Variants in EXOC2 observed in about 807,000 individuals in gnomAD.
The protein encoded by EXOC2 is SEC5-like 1.
In EXOC2, 70 loss-of-function variants were observed where a neutral mutation model predicts 131.8. That is an observed-to-expected ratio of 0.53 (90% CI 0.44 to 0.65). EXOC2 has a LOEUF of 0.65. EXOC2 is among the 30% of genes least tolerant of loss of function. The pLI is 0.00. For missense variants in EXOC2, 923 were observed against 1,108.6 expected, an observed-to-expected ratio of 0.83 and a Z score of 2.38; for synonymous variants, 411 against 398.4, an observed-to-expected ratio of 1.03 and a Z score of -0.38.
At chr6:672,199 C>T (rs754500378) in intron 1 of EXOC2, among the ~76,000 whole-genome samples, 2 of 152,152 alleles carry the variant, frequency 1.3e-5, no homozygotes, top group Non-Finnish European at 2.9e-5. Context: ...CTTTCCTCAG[C>T]TATGTCTGGC....
chr6:537,301 G>A (rs975109774), intron 22 of EXOC2, among the ~76,000 whole-genome samples: 8 of 151,030 alleles, frequency 5.3e-5, no homozygotes, highest in African/African-American at 1.5e-4. Context: ...GACAGCCGAC[G>A]GAGCGCACAC....
intron 1 of EXOC2, among the ~76,000 whole-genome samples, chr6:644,449 A>T (rs1762490399): frequency 6.6e-6 from 1 of 152,178 alleles, no homozygotes. Flanking sequence ...AGTAACATAG[A>T]AAAGATACCT....
intron 4 of EXOC2, among the ~76,000 whole-genome samples, chr6:628,974 A>G (rs1003534871): frequency 6.6e-6 from 1 of 152,208 alleles, no homozygotes; most frequent in African/African-American, 2.4e-5. Flanking sequence ...AACACGTGCT[A>G]CTTTCCCAAG....
At chr6:551,469 A>G (rs564552016) in intron 21 of EXOC2, among the ~76,000 whole-genome samples, 1 of 152,354 alleles carries the variant, frequency 6.6e-6, no homozygotes, top group Admixed American at 6.5e-5. Context: ...GCAGAGACAC[A>G]TGTGAGGTGC....
rs139979736 is a variant in EXOC2, at chr6:564,059, A to G, written c.1763T>C (p.Met588Thr). 5.6e-6 allele frequency: 9 copies of G among 1,614,158 alleles called. No homozygotes were observed. The African/African-American group carries it at 9.3e-5, about 17-fold the overall frequency. Reference protein sequence around the residue: ...LILDLRVRCVMATLQHTAEEI... With the variant: ...LILDLRVRCVTATLQHTAEEI... Reference sequence around the variant, plus strand: ...TTCCGCCGTGTGCTGCAACGTGGCCATTACGCAACGTACTCGGAGATCCAA... The same window carrying G: ...TTCCGCCGTGTGCTGCAACGTGGCCGTTACGCAACGTACTCGGAGATCCAA... Residue 588 changes from methionine to threonine, a missense_variant, in exon 16 of 28, where the codon ATG becomes ACG. Coordinates refer to ENST00000230449, the MANE Select transcript of EXOC2 (RefSeq NM_018303.6).
At chr6:531,090 C>G (rs942450435) in intron 23 of EXOC2, among the ~76,000 whole-genome samples, 1 of 152,138 alleles carries the variant, frequency 6.6e-6, no homozygotes, top group African/African-American at 2.4e-5. Flanking sequence ...TGGGGTTAGC[C>G]TCAGGGAGAA....
chr6:605,202 A>G (rs1356653723), intron 7 of EXOC2, among the ~76,000 whole-genome samples: 1 of 152,234 alleles, frequency 6.6e-6, no homozygotes, highest in Non-Finnish European at 1.5e-5. Flanking sequence ...CTGGCTTTGC[A>G]CAGTGTGCAG....
At chr6:554,140 C>T (rs1048633666) in intron 20 of EXOC2, among the ~76,000 whole-genome samples, 1 of 151,650 alleles carries the variant, frequency 6.6e-6, no homozygotes, top group African/African-American at 2.4e-5. Flanking sequence ...CTCCTGGGTT[C>T]AACCCATTCT....
At chr6:647,818 C>A (rs1762646171) in intron 1 of EXOC2, among the ~76,000 whole-genome samples, 1 of 151,470 alleles carries the variant, frequency 6.6e-6, no homozygotes, top group African/African-American at 2.4e-5. Context: ...CTATGTTACC[C>A]TCAAAATCTG....
At chr6:662,081 G>T (rs1561987468) in intron 1 of EXOC2, among the ~76,000 whole-genome samples, 1 of 152,174 alleles carries the variant, frequency 6.6e-6, no homozygotes, top group Non-Finnish European at 1.5e-5. Context: ...AATGGTAAAA[G>T]GCCTTATTCA....
Position 555,301 on chromosome 6 carries a change from A to G in EXOC2, c.1993-13T>C, listed in dbSNP as rs372565925. The G allele has an allele frequency of 7.9e-6, 12 of 1,520,548 alleles. No individual in the cohort carries two copies. Among genetic ancestry groups the G allele is most frequent in the East Asian group, 4.6e-5 (2 of 43,654 alleles). 94.2% of individuals were successfully genotyped at this position (1,520,548 alleles called of 1,614,324 possible). A position where few individuals can be genotyped will look rare whatever the true frequency, so the allele number is the denominator to read the frequency against. Reference sequence around the variant, plus strand: ...AGTATATAAAAACCTAAGTGAAAACATAAGTTTCAGAACTCTCAGAGGAAT... The same window carrying G: ...AGTATATAAAAACCTAAGTGAAAACGTAAGTTTCAGAACTCTCAGAGGAAT... On this transcript the variant is annotated splice_polypyrimidine_tract_variant and intron_variant, in intron 19 of 27. Coordinates refer to ENST00000230449, the MANE Select transcript of EXOC2 (RefSeq NM_018303.6).
intron 1 of EXOC2, among the ~76,000 whole-genome samples, chr6:650,563 ATAT>A (rs1304195894): frequency 7.9e-5 from 12 of 152,258 alleles, no homozygotes; most frequent in Non-Finnish European, 1.6e-4. Context: ...TTGATGTTTA[ATAT>A]TATAGGCAAC....
At chr6:577,360 A>G (rs1270053766) in intron 11 of EXOC2, among the ~76,000 whole-genome samples, 1 of 151,816 alleles carries the variant, frequency 6.6e-6, no homozygotes, top group Non-Finnish European at 1.5e-5. Flanking sequence ...GATCCTTTTC[A>G]CCTCACACTT....
At chr6:571,066 C>T (rs1758250580) in intron 13 of EXOC2, among the ~76,000 whole-genome samples, 1 of 152,218 alleles carries the variant, frequency 6.6e-6, no homozygotes, top group Non-Finnish European at 1.5e-5. Flanking sequence ...CAGGACAAAA[C>T]TGAAATTATT....
chr6:571,524 G>A (rs1217392863), intron 13 of EXOC2, among the ~76,000 whole-genome samples: 1 of 152,140 alleles, frequency 6.6e-6, no homozygotes, highest in Non-Finnish European at 1.5e-5. Flanking sequence ...TGAATTTATG[G>A]TCATGGCCAA....
chr6:528,797 C>T (rs890053548), intron 23 of EXOC2, among the ~76,000 whole-genome samples: 1 of 152,238 alleles, frequency 6.6e-6, no homozygotes, highest in African/African-American at 2.4e-5. Context: ...CATTTAGGCT[C>T]TGATCCTAAT....
rs1160321458 is a variant in EXOC2, at chr6:604,530, T to A, written c.743-5305A>T. Among the ~76,000 whole-genome samples the A allele has an allele frequency of 3.3e-5, 5 of 152,198 alleles. No homozygotes were observed. In the East Asian group the frequency reaches 9.6e-4, roughly 29 times the overall value. On this transcript the variant is annotated intron_variant, in intron 7 of 27. Transcript: ENST00000230449. Reference sequence around the variant, plus strand: ...TCTTTAAAAATCTCCTATCGTTCTGTTAAACTTCTGCGATGGCTCACTATT... The same window carrying A: ...TCTTTAAAAATCTCCTATCGTTCTGATAAACTTCTGCGATGGCTCACTATT...
intron 7 of EXOC2, among the ~76,000 whole-genome samples, chr6:605,134 A>C (rs1760330247): frequency 6.6e-6 from 1 of 152,226 alleles, no homozygotes; most frequent in Non-Finnish European, 1.5e-5. Context: ...TTGCTGTCTG[A>C]ATCAATGACC....
chr6:506,366 A>C lies in EXOC2; in HGVS notation c.2381-6666T>G, dbSNP rs960276418. The stretch of plus-strand genomic sequence containing the variant: ...AACAACAGTGGGCCATACAATGCCA[A>C]ATGTATGGTGCACACAGTATTAGGG... On this transcript the variant is annotated intron_variant, in intron 23 of 27. Coordinates refer to ENST00000230449, the MANE Select transcript of EXOC2 (RefSeq NM_018303.6). This position sits in a 1 kb window ranked among gnomAD's most constrained non-coding sequence, Gnocchi z 4.4. Among the ~76,000 whole-genome samples, 1 of 152,230 alleles carries C rather than the reference A, an allele frequency of 6.6e-6. No individual in the cohort carries two copies. Among genetic ancestry groups the C allele is most frequent in the Non-Finnish European group, 1.5e-5 (1 of 68,036 alleles).
Sources: gnomAD v4.1 joint callset for allele counts (sites outside exome capture counted in the v4.1 genomes callset) on GRCh38, gnomAD v4.1.1 for gene constraint, Gnocchi (gnomAD v3.1) non-coding constraint, MANE v1.5 for transcripts, NCBI Gene and HGNC (gene_info 2026-07-23, HGNC 2026-07-21) for gene names.